The following UST variants were observed in gnomAD, a reference collection of about 807,000 sequenced individuals.
The protein encoded by UST is chondroitin sulfate 2-O-sulfotransferase.
UST carries 21 observed loss-of-function variants against 45.6 expected under a neutral mutation model. The observed-to-expected ratio is 0.46, with a 90% confidence interval of 0.33 to 0.66. The LOEUF (loss-of-function observed/expected upper bound fraction) is 0.66, where lower values mean the gene tolerates loss of function less well. Ranked by LOEUF, UST falls within the 30% of genes least tolerant of loss-of-function variation. The probability of loss-of-function intolerance (pLI) is 0.02; values close to 1 mark genes in which losing one functional copy is unlikely to be tolerated. For missense variants in UST, 463 were observed against 512.4 expected (o/e 0.90, Z 0.93); for synonymous variants, 215 against 200.6 (o/e 1.07, Z -0.61).
At chr6:149,049,839 C>A (rs1251222318) in intron 7 of UST, among the ~76,000 whole-genome samples, 1 of 151,932 alleles carries the variant, frequency 6.6e-6, no homozygotes, top group African/African-American at 2.4e-5. Context: ...CTCTTTTTGG[C>A]AACTGTCCTT....
intron 5 of UST, among the ~76,000 whole-genome samples, chr6:149,014,038 A>G (rs1775858932): frequency 6.6e-6 from 1 of 152,264 alleles, no homozygotes; most frequent in African/African-American, 2.4e-5. Context: ...CTTGATGTAC[A>G]GAGAAATAAA....
chr6:148,882,109 G>A (rs575292803), intron 1 of UST, among the ~76,000 whole-genome samples: 7 of 152,256 alleles, frequency 4.6e-5, no homozygotes, highest in South Asian at 2.1e-4. Context: ...TGAGATAACC[G>A]AGATAACAGG....
chr6:148,918,332 T>C (rs1398792186), intron 2 of UST, among the ~76,000 whole-genome samples: 1 of 152,248 alleles, frequency 6.6e-6, no homozygotes, highest in African/African-American at 2.4e-5. Flanking sequence ...TTTTATCCGG[T>C]CTTACATACG....
intron 5 of UST, among the ~76,000 whole-genome samples, chr6:148,987,343 G>A (rs77038770): frequency 0.025 from 3,736 of 152,310 alleles, 114 homozygotes; most frequent in African/African-American, 0.073. Flanking sequence ...GGGCCTGAGA[G>A]CTTAGCTCTG....
intron 7 of UST, among the ~76,000 whole-genome samples, chr6:149,039,788 C>T (rs1776286183): frequency 1.3e-5 from 2 of 152,236 alleles, no homozygotes; most frequent in Admixed American, 1.3e-4. Flanking sequence ...TGCTTGTGCT[C>T]TGTCCTCTGT....
At chr6:148,977,764 A>G (rs1265309012) in intron 5 of UST, among the ~76,000 whole-genome samples, 1 of 151,406 alleles carries the variant, frequency 6.6e-6, no homozygotes, top group African/African-American at 2.4e-5. Context: ...AAAAAAAAAA[A>G]AAAAAAAGAA....
chr6:148,849,133 C>T (rs1778055787), intron 1 of UST, among the ~76,000 whole-genome samples: 1 of 152,168 alleles, frequency 6.6e-6, no homozygotes, highest in South Asian at 2.1e-4. Context: ...GGTGGATCTT[C>T]CCCACTCAGT....
At chr6:149,010,034 G>C (rs1213512924) in intron 5 of UST, among the ~76,000 whole-genome samples, 1 of 149,702 alleles carries the variant, frequency 6.7e-6, no homozygotes, top group Admixed American at 6.6e-5. Context: ...AAAAACTAGG[G>C]TTGTAGTCAT....
intron 1 of UST, among the ~76,000 whole-genome samples, chr6:148,753,421 A>G (rs550040360): frequency 3.3e-5 from 5 of 152,332 alleles, no homozygotes; most frequent in African/African-American, 1.2e-4. Context: ...TTTACTTGAC[A>G]TAATGTTTTC....
At chr6:148,848,461 G>T (rs1562276095) in intron 1 of UST, among the ~76,000 whole-genome samples, 1 of 152,024 alleles carries the variant, frequency 6.6e-6, no homozygotes, top group Non-Finnish European at 1.5e-5. Context: ...TCATGAGGTC[G>T]AGAGATCGAG....
intron 1 of UST, among the ~76,000 whole-genome samples, chr6:148,796,469 C>T (rs1434185360): frequency 6.6e-6 from 1 of 151,886 alleles, no homozygotes; most frequent in Non-Finnish European, 1.5e-5. Flanking sequence ...ACTAAAAATA[C>T]AAAAATTAGA....
chr6:148,820,765 A>G (rs1375706183), intron 1 of UST, among the ~76,000 whole-genome samples: 1 of 150,510 alleles, frequency 6.6e-6, no homozygotes, highest in Non-Finnish European at 1.5e-5. Context: ...AGGCAGGAGA[A>G]TGGCGTGAAC....
intron 1 of UST, among the ~76,000 whole-genome samples, chr6:148,821,611 C>A (rs1777467584): frequency 6.6e-6 from 1 of 152,146 alleles, no homozygotes; most frequent in Non-Finnish European, 1.5e-5. Flanking sequence ...TGTAAATATT[C>A]TGTTCTTCAT....
rs61662497 is a variant in UST at position 148,946,322 on chromosome 6, C to T, written c.447+4888C>T. Among the ~76,000 whole-genome samples, 1,297 of 151,954 alleles carry T rather than the reference C, an allele frequency of 8.5e-3. 20 individuals are homozygous for T. Among genetic ancestry groups the T allele is most frequent in the African/African-American group, 0.029 (1,182 of 41,414 alleles). On this transcript the variant is annotated intron_variant, in intron 3 of 7. Coordinates refer to ENST00000367463, the MANE Select transcript of UST (RefSeq NM_005715.3). ...GGTCAGGAGTTCGAGACCAGCCTGG[C>T]CAACATGGTGAAACCCTGTCTCTAC...
At chr6:148,918,561 A>G (rs13215358) in intron 2 of UST, among the ~76,000 whole-genome samples, 15,222 of 152,214 alleles carry the variant, frequency 0.1, 960 homozygotes, top group Middle Eastern at 0.18. Context: ...ATCAAACAAA[A>G]TACTCTCTTT....
chr6:148,828,325 A>T (rs1415720228), intron 1 of UST, among the ~76,000 whole-genome samples: 1 of 152,076 alleles, frequency 6.6e-6, no homozygotes. Flanking sequence ...TGAGGTCAAG[A>T]ATTATGTGTA....
chr6:148,814,912 A>G (rs945105652), intron 1 of UST, among the ~76,000 whole-genome samples: 4 of 152,208 alleles, frequency 2.6e-5, no homozygotes, highest in Non-Finnish European at 5.9e-5. Flanking sequence ...CACTAAGCCA[A>G]CTTACTCCAT....
chr6:148,808,962 T>A (rs1398343158), intron 1 of UST, among the ~76,000 whole-genome samples: 2 of 152,246 alleles, frequency 1.3e-5, no homozygotes, highest in African/African-American at 2.4e-5. Flanking sequence ...TCCAGAATGA[T>A]GAGAAGTAAA....
At chr6:149,003,954 C>G (rs1424457440) in intron 5 of UST, among the ~76,000 whole-genome samples, 2 of 152,194 alleles carry the variant, frequency 1.3e-5, no homozygotes, top group Admixed American at 1.3e-4. Context: ...AATTGACACG[C>G]TTTGCTGGAA....
Sources: gnomAD v4.1 joint callset for allele counts (sites outside exome capture counted in the v4.1 genomes callset) on GRCh38, gnomAD v4.1.1 for gene constraint, MANE v1.5 for transcripts, NCBI Gene and HGNC (gene_info 2026-07-23, HGNC 2026-07-21) for gene names.